SLC35B4: variants seen among roughly 807,000 people sequenced by gnomAD.
The protein encoded by SLC35B4 is solute carrier family 35 member B4, also known as nucleotide sugar transporter SLC35B4.
A neutral mutation model predicts 39.5 loss-of-function variants in SLC35B4; 28 were observed. The observed-to-expected ratio is 0.71, with a 90% CI of 0.53 to 0.97. The LOEUF (loss-of-function observed/expected upper bound fraction) is 0.97. Ranked by LOEUF, SLC35B4 falls within the 50% of genes least tolerant of loss-of-function variation. SLC35B4 has a pLI of 0.00. For missense variants in SLC35B4, 334 were observed against 414.3 expected, an observed-to-expected ratio of 0.81 and a Z score of 1.68; for synonymous variants, 145 against 150.4, an observed-to-expected ratio of 0.96 and a Z score of 0.26.
chr7:134,295,104 T>C, intron 9 of SLC35B4, 25 bp from the exon 10 acceptor site: 2 of 1,611,702 alleles, frequency 1.2e-6, no homozygotes, highest in Non-Finnish European at 1.7e-6. Context: ...TCAAGGTAGT[T>C]TTCTGTAGAC....
chr7:134,314,471 A>G (rs1280904932), intron 1 of SLC35B4, among the ~76,000 whole-genome samples: 1 of 152,224 alleles, frequency 6.6e-6, no homozygotes, highest in African/African-American at 2.4e-5. Flanking sequence ...TATTCAACAC[A>G]AATATTACCA....
At chr7:134,306,565 C>T (rs545617649) in intron 3 of SLC35B4, 107 bp downstream of exon 3, 3 of 856,016 alleles carry the variant, frequency 3.5e-6, no homozygotes, top group Admixed American at 5.8e-5. Context: ...TATTCTTCTA[C>T]CCAAGACCAC....
intron 1 of SLC35B4, among the ~76,000 whole-genome samples, chr7:134,316,192 G>C (rs1474345198): frequency 6.6e-6 from 1 of 152,168 alleles, no homozygotes; most frequent in African/African-American, 2.4e-5. Context: ...TATGTACAAA[G>C]TCAGACTGCT....
rs1273018267 is a variant in SLC35B4, at chr7:134,291,668, T to C, written c.*3165A>G. The C allele has an allele frequency of 6.6e-6, 1 of 152,202 alleles. No homozygotes were observed. 9.4% of individuals were successfully genotyped at this position (152,202 alleles called of 1,614,324 possible). ...AAAATACTGCAGCGTTTCACTGTGG[T>C]TAACAGGATGGAAAGGAGGAAAAAA... On this transcript the variant is annotated 3_prime_UTR_variant, in exon 10 of 10. Transcript: ENST00000378509.
rs1209836316 is a variant in SLC35B4, at chr7:134,292,047, TAA to T, written c.*2784_*2785del. 6.5e-6 allele frequency: 1 copy of T among 154,370 alleles called. No individual in the cohort carries two copies. Among genetic ancestry groups the T allele is most frequent in the Non-Finnish European group, 1.5e-5 (1 of 68,214 alleles). 9.6% of individuals were successfully genotyped at this position (154,370 alleles called of 1,614,324 possible). A position where few individuals can be genotyped will look rare whatever the true frequency, so the allele number is the denominator to read the frequency against. On this transcript the variant is annotated 3_prime_UTR_variant, in exon 10 of 10. Transcript: ENST00000378509. ...ATAGAGTTTTGGATGTCTTAAAAAC[TAA>T]ACTCTTTGTAAACAAACAGTATCTT...
chr7:134,312,700 G>A (rs538402997), intron 1 of SLC35B4, among the ~76,000 whole-genome samples: 4 of 152,138 alleles, frequency 2.6e-5, no homozygotes, highest in Non-Finnish European at 5.9e-5. Context: ...TTTAAAAAGG[G>A]CATCTTAATA....
Position 134,296,390 on chromosome 7 carries a change from C to T in SLC35B4, c.749+1G>A, listed in dbSNP as rs1803466250. The T allele has an allele frequency of 6.2e-7, 1 of 1,613,342 alleles. No individual in the cohort carries two copies. The highest frequency in any genetic ancestry group is 1.3e-5 in the African/African-American group (1 of 75,046). ...GGGTGACGGCACAGTCCAAAGGATA[C>T]TGAGTGATGATGTTCATGAGGAGGT... On this transcript the variant is annotated splice_donor_variant, in intron 9 of 9. Transcript: ENST00000378509. LOFTEE classifies it high-confidence loss of function.
intron 8 of SLC35B4, among the ~76,000 whole-genome samples, chr7:134,297,219 C>G (rs1585634241): frequency 1.3e-5 from 2 of 152,314 alleles, no homozygotes; most frequent in African/African-American, 4.8e-5. Context: ...CTGCGCCTAG[C>G]CAATTCAAAA....
chr7:134,312,855 A>C (rs1211064354), intron 1 of SLC35B4, among the ~76,000 whole-genome samples: 2 of 152,122 alleles, frequency 1.3e-5, no homozygotes. Flanking sequence ...TAGCATTATG[A>C]TTATTACAAT....
chr7:134,314,696 C>G (rs1462154375), intron 1 of SLC35B4, among the ~76,000 whole-genome samples: 2 of 152,170 alleles, frequency 1.3e-5, no homozygotes, highest in East Asian at 3.9e-4. Flanking sequence ...CCACCAGGCC[C>G]AGCTAATTTT....
At position 134,289,765 on chromosome 7, in the gene SLC35B4, T is replaced by A. The variant is rs1200306290; in HGVS notation, c.*5068A>T. 1.3e-5 allele frequency: 2 copies of A among 152,078 alleles called. No individual in the cohort carries two copies. Among genetic ancestry groups the A allele is most frequent in the Non-Finnish European group, 2.9e-5 (2 of 68,002 alleles). The allele number at this position is 152,078 out of a possible 1,614,324, so 9.4% of individuals were successfully genotyped here. A position where few individuals can be genotyped will look rare whatever the true frequency, so the allele number is the denominator to read the frequency against. On this transcript the variant is annotated 3_prime_UTR_variant, in exon 10 of 10. Transcript: ENST00000378509. ...TACTGCTCTCTTTGGTTCACAAGAG[T>A]CATCTATGCATTTCAAAAGATATCA...
rs1803992881 is a variant in SLC35B4 at position 134,316,740 on chromosome 7, G to C, written c.12C>G (p.Ala4=). The C allele has an allele frequency of 1.9e-6, 3 of 1,549,460 alleles. No individual in the cohort carries two copies. Among genetic ancestry groups the C allele is most frequent in the African/African-American group, 2.7e-5 (2 of 73,052 alleles). Residue 4 remains alanine (A), a synonymous_variant, in exon 1 of 10, where the codon GCC becomes GCG. Transcript: ENST00000378509. The part of the protein sequence containing the change: MRP[A]LAVGLVFAGC... ...CTGCGAACACCAGGCCCACCGCCAA[G>C]GCCGGGCGCATGGCCGGTGCAGGGT...
In SLC35B4 at chr7:134,292,119, GGA is replaced by G. The variant is rs1390439594; in HGVS notation, c.*2712_*2713del. The G allele has an allele frequency of 1.9e-5, 3 of 154,774 alleles. No individual in the cohort carries two copies. The highest frequency in any genetic ancestry group is 2.9e-5 in the Non-Finnish European group (2 of 68,220). 9.6% of individuals were successfully genotyped at this position (154,774 alleles called of 1,614,324 possible). A position where few individuals can be genotyped will look rare whatever the true frequency, so the allele number is the denominator to read the frequency against. ...TACATGGTCTTGACCCAGAGAAAGAGGAGAGACATTTAATAGACATTTCTCTT... is the reference window on the plus strand; with the variant it reads ...TACATGGTCTTGACCCAGAGAAAGAGGAGACATTTAATAGACATTTCTCTT... On this transcript the variant is annotated 3_prime_UTR_variant, in exon 10 of 10. Coordinates refer to ENST00000378509, the MANE Select transcript of SLC35B4 (RefSeq NM_032826.5).
chr7:134,312,127 T>C (rs1432589290), intron 1 of SLC35B4, among the ~76,000 whole-genome samples: 2 of 152,142 alleles, frequency 1.3e-5, no homozygotes, highest in African/African-American at 2.4e-5. Context: ...AAGGCAAATA[T>C]GATGACCAGT....
At position 134,289,365 on chromosome 7, in the gene SLC35B4, T is replaced by C. The variant is rs1183949373; in HGVS notation, c.*5468A>G. 1.3e-5 allele frequency: 2 copies of C among 152,674 alleles called. No homozygotes were observed. The highest frequency in any genetic ancestry group is 2.9e-5 in the Non-Finnish European group (2 of 68,048). The allele number at this position is 152,674 out of a possible 1,614,324, so 9.5% of individuals were successfully genotyped here. On this transcript the variant is annotated 3_prime_UTR_variant, in exon 10 of 10. Transcript: ENST00000378509. Reference sequence around the variant, plus strand: ...GGCAAAACATTTTATTCACAAAATCTCCCATTCCTCCTTAACTCTCTGCTC... The same window carrying C: ...GGCAAAACATTTTATTCACAAAATCCCCCATTCCTCCTTAACTCTCTGCTC...
At chr7:134,305,501 C>T (rs1050265892) in intron 3 of SLC35B4, among the ~76,000 whole-genome samples, 2 of 152,118 alleles carry the variant, frequency 1.3e-5, no homozygotes, top group African/African-American at 2.4e-5. Context: ...TGTGGACCCA[C>T]GTGGTTTAAA....
upstream of SLC35B4, among the ~76,000 whole-genome samples, chr7:134,319,810 T>TC (rs1804065399): frequency 1.3e-5 from 2 of 152,146 alleles, no homozygotes; most frequent in Admixed American, 1.3e-4. Context: ...AAGTTTTCGG[T>TC]CTTCCTCTTT....
chr7:134,300,285 A>C, intron 6 of SLC35B4, 24 bp from the exon 7 acceptor site: 2 of 1,496,908 alleles, frequency 1.3e-6, no homozygotes, highest in Non-Finnish European at 9.2e-7. Context: ...ATCAGGTGAC[A>C]AGATGTCTGC....
chr7:134,306,874 T>A (rs1803721406), intron 2 of SLC35B4, 100 bp from the exon 3 acceptor site: 19 of 892,080 alleles, frequency 2.1e-5, no homozygotes, highest in Non-Finnish European at 3.3e-5. Flanking sequence ...ATTTTGCCTG[T>A]TTCCTCTGCG....
Sources: gnomAD v4.1 joint callset for allele counts (sites outside exome capture counted in the v4.1 genomes callset) on GRCh38, gnomAD v4.1.1 for gene constraint, MANE v1.5 for transcripts, NCBI Gene and HGNC (gene_info 2026-07-23, HGNC 2026-07-21) for gene names.